The following CBR4 variants were observed in gnomAD, a reference collection of about 807,000 sequenced individuals.
CBR4 encodes the protein carbonyl reductase 4.
In CBR4, 22 loss-of-function variants were observed where a neutral mutation model predicts 21.0. The observed-to-expected ratio is 1.05, with a 90% CI of 0.75 to 1.50. The LOEUF is 1.50. Ranked by LOEUF, CBR4 falls within the 40% of genes most tolerant of loss-of-function variation. The pLI is 0.00. For missense variants in CBR4, 302 were observed against 286.3 expected (o/e 1.05, Z -0.40); for synonymous variants, 100 against 104.4 (o/e 0.96, Z 0.26).
chr4:168,964,509 A>G (rs1763960248), intron 2 of CBR4, among the ~76,000 whole-genome samples: 1 of 152,196 alleles, frequency 6.6e-6, no homozygotes, highest in South Asian at 2.1e-4. Context: ...AGTGGTAAAA[A>G]TGTCATAGAA....
At chr4:168,966,745 A>G (rs1387258404) in intron 2 of CBR4, among the ~76,000 whole-genome samples, 1 of 152,066 alleles carries the variant, frequency 6.6e-6, no homozygotes, top group Non-Finnish European at 1.5e-5. Flanking sequence ...AGGGCCGGGC[A>G]CAGTGGCTCA....
chr4:168,941,150 G>A (rs1202793066), intron 2 of CBR4, among the ~76,000 whole-genome samples: 1 of 152,032 alleles, frequency 6.6e-6, no homozygotes, highest in Admixed American at 6.6e-5. Context: ...ACACAGGGAG[G>A]GGAACATCAC....
At chr4:168,912,853 T>A (rs1759266663) in intron 2 of CBR4, among the ~76,000 whole-genome samples, 1 of 152,174 alleles carries the variant, frequency 6.6e-6, no homozygotes, top group Non-Finnish European at 1.5e-5. Context: ...ATTAACCAAC[T>A]TCTGGCTATC....
intron 4 of CBR4, among the ~76,000 whole-genome samples, chr4:168,998,385 C>T (rs1003305041): frequency 6.6e-6 from 1 of 152,126 alleles, no homozygotes; most frequent in Non-Finnish European, 1.5e-5. Context: ...AAACAAACAT[C>T]ATTTTCTGTT....
rs1764754080 is a variant in CBR4 at position 168,988,087 on chromosome 4, G to C, written c.*2063C>G. On this transcript the variant is annotated 3_prime_UTR_variant, in exon 5 of 5. Transcript: ENST00000306193. ...AGATTTTAAAAAATGAATTCACTGA[G>C]GTTCTTAAACCTCTGAACATAAGGC... 2.0e-6 allele frequency: 2 copies of C among 985,118 alleles called. No individual in the cohort carries two copies. Among genetic ancestry groups the C allele is most frequent in the Non-Finnish European group, 2.4e-6 (2 of 829,844 alleles). 61.0% of individuals were successfully genotyped at this position (985,118 alleles called of 1,614,324 possible).
At position 169,007,742 on chromosome 4, in the gene CBR4, A is replaced by C. The variant is rs1330109636; in HGVS notation, c.157T>G (p.Phe53Val). 1.3e-6 allele frequency: 2 copies of C among 1,580,370 alleles called. No homozygotes were observed. The highest frequency in any genetic ancestry group is 1.9e-5 in the Admixed American group (1 of 53,296). ...AGDLGGDHLAFSCDVAKEHDV... is the reference protein window; with the variant it reads ...AGDLGGDHLAVSCDVAKEHDV... ...TGTTCTTTAGCAACATCACAGCTAA[A>C]TGCCAAATGATCTCCTACACAACAA... is the stretch of plus-strand genomic sequence containing the variant. The change falls in exon 2 of 5, where the codon TTT becomes GTT. Residue 53 changes from phenylalanine to valine, a missense_variant. Coordinates refer to ENST00000306193, the MANE Select transcript of CBR4 (RefSeq NM_032783.5).
chr4:168,908,575 A>G (rs367819372), intron 2 of CBR4, among the ~76,000 whole-genome samples: 12 of 152,186 alleles, frequency 7.9e-5, no homozygotes, highest in African/African-American at 2.7e-4. Flanking sequence ...AGAAAACTGA[A>G]GTTGACTCCT....
intron 2 of CBR4, 141 bp downstream of exon 2, chr4:169,007,495 T>A (rs1318365598): frequency 6.7e-6 from 3 of 448,692 alleles, no homozygotes; most frequent in Non-Finnish European, 1.1e-5. Flanking sequence ...GGAAAATAAT[T>A]TATGGATTGA....
chr4:168,939,657 G>A (rs1325028259), intron 2 of CBR4, among the ~76,000 whole-genome samples: 1 of 151,358 alleles, frequency 6.6e-6, no homozygotes, highest in East Asian at 1.9e-4. Context: ...CAATAACAGA[G>A]AGCCAAGACG....
At chr4:168,909,616 A>G (rs982158303) in intron 2 of CBR4, among the ~76,000 whole-genome samples, 1 of 152,154 alleles carries the variant, frequency 6.6e-6, no homozygotes, top group Admixed American at 6.5e-5. Flanking sequence ...ATTCCCTTCC[A>G]TTATTCTTAT....
At chr4:168,969,743 C>G (rs1764148665) in intron 2 of CBR4, among the ~76,000 whole-genome samples, 1 of 152,204 alleles carries the variant, frequency 6.6e-6, no homozygotes, top group African/African-American at 2.4e-5. Context: ...GATCTACATA[C>G]TCTTCAACTT....
chr4:168,935,407 G>C (rs1029680293), intron 2 of CBR4, among the ~76,000 whole-genome samples: 11 of 152,176 alleles, frequency 7.2e-5, no homozygotes, highest in Non-Finnish European at 1.0e-4. Context: ...ACACCAGCGA[G>C]ACAGAACCAT....
At chr4:168,944,428 T>C (rs922082263) in intron 2 of CBR4, among the ~76,000 whole-genome samples, 5 of 151,794 alleles carry the variant, frequency 3.3e-5, no homozygotes, top group Non-Finnish European at 7.4e-5. Flanking sequence ...CAATGAGCCA[T>C]GATCACATCA....
intron 2 of CBR4, among the ~76,000 whole-genome samples, chr4:168,966,836 A>G (rs1560968267): frequency 1.3e-5 from 2 of 151,986 alleles, no homozygotes; most frequent in African/African-American, 2.4e-5. Flanking sequence ...GGCTAACACG[A>G]TGAAACCCAG....
intron 4 of CBR4, 131 bp downstream of exon 4, chr4:169,001,940 C>T (rs1730484011): frequency 1.1e-6 from 1 of 930,422 alleles, no homozygotes; most frequent in African/African-American, 1.7e-5. Flanking sequence ...TCCCCCAGTT[C>T]ATTATTTGAT....
intron 2 of CBR4, among the ~76,000 whole-genome samples, chr4:168,936,113 C>T (rs1042524928): frequency 6.6e-6 from 1 of 152,200 alleles, no homozygotes; most frequent in Admixed American, 6.5e-5. Context: ...TGTTCTGCAG[C>T]CTCCGCTGGT....
chr4:168,902,922 C>A (rs1270284518), intron 2 of CBR4, among the ~76,000 whole-genome samples: 1 of 152,052 alleles, frequency 6.6e-6, no homozygotes, highest in Non-Finnish European at 1.5e-5. Context: ...TAGACATGCA[C>A]CACCACACCC....
Position 168,894,591 on chromosome 4 carries a change from G to A in CBR4, n.344C>T, listed in dbSNP as rs748036704. ...TTACGTTGTTTAGAGGTTAACATACGAAGAAAGAATGGCTCGTCGACTGCT... is the reference window on the plus strand; with the variant it reads ...TTACGTTGTTTAGAGGTTAACATACAAAGAAAGAATGGCTCGTCGACTGCT... On this transcript the variant is annotated non_coding_transcript_exon_variant, in exon 3 of 4. Coordinates refer to the CBR4 transcript ENST00000509108. 5 of 1,612,144 alleles carry A rather than the reference G, an allele frequency of 3.1e-6. No individual in the cohort carries two copies. In the African/African-American group the frequency reaches 4.0e-5, roughly 13 times the overall value.
chr4:169,005,949 G>A (rs778346975), intron 3 of CBR4: 30 of 1,238,018 alleles, frequency 2.4e-5, no homozygotes, highest in Non-Finnish European at 3.2e-5. Flanking sequence ...ATAAAAAGCA[G>A]ATGGTATACT....
Sources: gnomAD v4.1 joint callset for allele counts (sites outside exome capture counted in the v4.1 genomes callset) on GRCh38, gnomAD v4.1.1 for gene constraint, MANE v1.5 for transcripts, NCBI Gene and HGNC (gene_info 2026-07-23, HGNC 2026-07-21) for gene names.